The following GALNTL6 variants were observed in gnomAD, a reference collection of about 807,000 sequenced individuals.
GALNTL6 encodes the protein polypeptide N-acetylgalactosaminyltransferase-like 6.
In GALNTL6, 46 loss-of-function variants were observed where a neutral mutation model predicts 73.7. The observed-to-expected ratio is 0.62, with a 90% CI of 0.49 to 0.80. The LOEUF is 0.80. Ranked by LOEUF, GALNTL6 falls within the 30% of genes least tolerant of loss-of-function variation. The pLI is 0.00. For missense variants in GALNTL6, 604 were observed against 755.0 expected (o/e 0.80, Z 2.34); for synonymous variants, 259 against 263.7 (o/e 0.98, Z 0.17).
intron 5 of GALNTL6, among the ~76,000 whole-genome samples, chr4:172,535,643 T>C (rs1735322992): frequency 6.6e-6 from 1 of 152,136 alleles, no homozygotes; most frequent in South Asian, 2.1e-4. Flanking sequence ...ACAATACACA[T>C]TAAGATATGT....
At chr4:172,773,334 G>A (rs887510806) in intron 5 of GALNTL6, among the ~76,000 whole-genome samples, 1 of 152,066 alleles carries the variant, frequency 6.6e-6, no homozygotes, top group Admixed American at 6.6e-5. Flanking sequence ...CCAAGTAGCC[G>A]GAATTATAGG....
In GALNTL6 at chr4:172,859,046, G is replaced by GAA. The variant is rs67296281; in HGVS notation, c.924-23732_924-23731dup. On this transcript the variant is annotated intron_variant, in intron 7 of 12. Transcript: ENST00000506823. ...ATGAAATGCAAGCTGGAGTGGTCAG[G>GAA]AAAAAAAAAAAAACAATGATAAAGG... 3.6e-3 allele frequency among the ~76,000 whole-genome samples: 509 copies of GAA among 140,042 alleles called. 6 individuals carry two copies. Among genetic ancestry groups the GAA allele is most frequent in the South Asian group, 0.032 (138 of 4,282 alleles). 91.9% of individuals were successfully genotyped at this position (140,042 alleles called of 152,430 possible).
intron 8 of GALNTL6, among the ~76,000 whole-genome samples, chr4:172,907,158 C>CCCATTAGT (rs1204373360): frequency 1.3e-5 from 2 of 150,870 alleles, no homozygotes; most frequent in Non-Finnish European, 3.0e-5. Context: ...AGCACCAAAC[C>CCCATTAGT]CCATTAGTTT....
At chr4:172,056,318 A>C (rs1731017840) in intron 2 of GALNTL6, among the ~76,000 whole-genome samples, 1 of 152,160 alleles carries the variant, frequency 6.6e-6, no homozygotes, top group Admixed American at 6.6e-5. Context: ...ATATTATGTA[A>C]ATAGTTGTGT....
chr4:172,161,599 A>C (rs1345454619), intron 2 of GALNTL6, among the ~76,000 whole-genome samples: 1 of 151,944 alleles, frequency 6.6e-6, no homozygotes, highest in Non-Finnish European at 1.5e-5. Context: ...AAAAGTATAT[A>C]ATAGGAAGGT....
chr4:171,936,661 A>G (rs1029065774), intron 2 of GALNTL6, among the ~76,000 whole-genome samples: 1 of 152,206 alleles, frequency 6.6e-6, no homozygotes, highest in Admixed American at 6.5e-5. Flanking sequence ...GGAAACCAAG[A>G]CAAATTATGT....
At chr4:172,349,640 G>C (rs1422814446) in intron 5 of GALNTL6, among the ~76,000 whole-genome samples, 1 of 151,816 alleles carries the variant, frequency 6.6e-6, no homozygotes, top group African/African-American at 2.4e-5. Flanking sequence ...TAAAATACTG[G>C]TCTTTATACA....
intron 5 of GALNTL6, among the ~76,000 whole-genome samples, chr4:172,492,299 G>T (rs886302101): frequency 1.3e-5 from 2 of 152,024 alleles, no homozygotes; most frequent in Non-Finnish European, 2.9e-5. Context: ...AAACCAATGA[G>T]ATTTTTTGAA....
At chr4:171,879,996 A>G (rs1207377259) in intron 2 of GALNTL6, among the ~76,000 whole-genome samples, 2 of 152,210 alleles carry the variant, frequency 1.3e-5, no homozygotes, top group African/African-American at 2.4e-5. Flanking sequence ...ATTGAGGCCT[A>G]TCTCAATGGT....
intron 2 of GALNTL6, among the ~76,000 whole-genome samples, chr4:171,967,990 T>C (rs73870104): frequency 1.8e-3 from 280 of 152,268 alleles, no homozygotes; most frequent in African/African-American, 5.0e-3. Flanking sequence ...TGTGCACACA[T>C]TTCCAATTCC....
rs201213478 is a variant in GALNTL6, at chr4:171,890,979, C to A, written c.138+76261C>A. On this transcript the variant is annotated intron_variant, in intron 2 of 12. Coordinates refer to ENST00000506823, the MANE Select transcript of GALNTL6 (RefSeq NM_001034845.3). ...TCGTCATTACAATAAAGGTCACATT[C>A]TGGTCCTGTTACTCCAGGTCCTTCC... 9.9e-5 allele frequency among the ~76,000 whole-genome samples: 15 copies of A among 152,278 alleles called. No individual in the cohort carries two copies. The East Asian group carries it at 1.9e-3, about 20-fold the overall frequency.
chr4:172,818,075 C>T (rs1047355479), intron 7 of GALNTL6, among the ~76,000 whole-genome samples: 1 of 152,164 alleles, frequency 6.6e-6, no homozygotes, highest in South Asian at 2.1e-4. Context: ...CTACTAGAAT[C>T]TTGTAAAAGT....
chr4:173,020,808 C>T (rs1400729747), intron 11 of GALNTL6, among the ~76,000 whole-genome samples: 1 of 152,228 alleles, frequency 6.6e-6, no homozygotes, highest in South Asian at 2.1e-4. Flanking sequence ...CACAGTGGCT[C>T]ATGCCTGTAA....
At chr4:172,487,303 T>C (rs62331700) in intron 5 of GALNTL6, among the ~76,000 whole-genome samples, 23,848 of 69,742 alleles carry the variant, frequency 0.34, 2,824 homozygotes, top group Admixed American at 0.47. Context: ...TCCTTCTGTC[T>C]TTCTTTCTTT....
At chr4:171,950,476 T>A (rs1738840288) in intron 2 of GALNTL6, among the ~76,000 whole-genome samples, 1 of 69,550 alleles carries the variant, frequency 1.4e-5, no homozygotes, top group South Asian at 8.5e-4. Context: ...TAAAATCTTT[T>A]CTTTTCTTTT....
intron 8 of GALNTL6, among the ~76,000 whole-genome samples, chr4:172,904,632 C>T (rs1746791134): frequency 6.6e-6 from 1 of 152,104 alleles, no homozygotes. Context: ...TTTGCCCCTT[C>T]CTCTCCACCC....
intron 7 of GALNTL6, among the ~76,000 whole-genome samples, chr4:172,825,199 G>A (rs1382514019): frequency 1.3e-5 from 2 of 150,058 alleles, no homozygotes; most frequent in Non-Finnish European, 3.0e-5. Flanking sequence ...TTAAGAGAAA[G>A]AAATGTCTGT....
chr4:172,656,819 C>A (rs1560860791), intron 5 of GALNTL6, among the ~76,000 whole-genome samples: 2 of 152,196 alleles, frequency 1.3e-5, no homozygotes, highest in Admixed American at 6.5e-5. Context: ...AGCAGACGTG[C>A]TTTGCACAGT....
chr4:172,304,600 C>A (rs184368598), intron 3 of GALNTL6, among the ~76,000 whole-genome samples: 191 of 152,230 alleles, frequency 1.3e-3, no homozygotes, highest in African/African-American at 4.4e-3. Context: ...AGTGTAAAAA[C>A]ACTGATTTAT....
Sources: allele counts gnomAD v4.1 joint callset (sites outside exome capture counted in the v4.1 genomes callset), GRCh38; gene constraint gnomAD v4.1.1; transcripts MANE v1.5; gene names NCBI Gene and HGNC (gene_info 2026-07-23, HGNC 2026-07-21).